The following SLC28A1 variants were observed in gnomAD, a reference collection of about 807,000 sequenced individuals.
SLC28A1 encodes the protein sodium/nucleoside cotransporter 1.
SLC28A1 carries 64 observed loss-of-function variants against 74.8 expected under a neutral mutation model. The ratio of observed to expected loss-of-function variants is 0.86; its 90% CI spans 0.70 to 1.05. The LOEUF is 1.05. Ranked by LOEUF, SLC28A1 falls within the 50% of genes least tolerant of loss-of-function variation. The pLI is 0.00. For missense variants in SLC28A1, 828 were observed against 822.8 expected (o/e 1.01, Z -0.08); for synonymous variants, 359 against 335.0 (o/e 1.07, Z -0.78).
At chr15:84,902,019 C>T (rs542736902) in intron 6 of SLC28A1, among the ~76,000 whole-genome samples, 1 of 152,256 alleles carries the variant, frequency 6.6e-6, no homozygotes, top group South Asian at 2.1e-4. Context: ...TGGAATACTA[C>T]TCAGCAATAA....
chr15:84,928,598 CTTTCTTTTCTT>C (rs1298198901), intron 12 of SLC28A1, among the ~76,000 whole-genome samples: 1 of 13,886 alleles, frequency 7.2e-5, no homozygotes, highest in Admixed American at 6.0e-4. Flanking sequence ...TTCTTTCTTT[CTTTCTTTTCTT>C]TCTTTCTTTT....
chr15:84,899,907 AAG>A (rs750001380), intron 6 of SLC28A1, among the ~76,000 whole-genome samples: 16 of 137,698 alleles, frequency 1.2e-4, no homozygotes, highest in Non-Finnish European at 2.2e-4. Context: ...GAAAGAAAGA[AAG>A]AGAAAGAGGG....
chr15:84,886,168 G>A (rs1964580394), intron 1 of SLC28A1: 1 of 985,128 alleles, frequency 1.0e-6, no homozygotes, highest in Admixed American at 6.1e-5. Flanking sequence ...AAGGGGAAAT[G>A]GTGTGATTTG....
At chr15:84,906,589 C>G (rs866288165) in intron 8 of SLC28A1, among the ~76,000 whole-genome samples, 41 of 109,866 alleles carry the variant, frequency 3.7e-4, no homozygotes, top group Admixed American at 1.4e-3. Context: ...TTCCTTCCTT[C>G]CTTCCTTCCT....
Position 84,945,635 on chromosome 15 carries a change from G to C in SLC28A1, c.*435G>C. 3.9e-6 allele frequency: 1 copy of C among 257,900 alleles called. No homozygotes were observed. The highest frequency in any genetic ancestry group is 7.6e-6 in the Non-Finnish European group (1 of 131,462). 16.0% of individuals were successfully genotyped at this position (257,900 alleles called of 1,614,324 possible). On this transcript the variant is annotated 3_prime_UTR_variant, in exon 19 of 19. Coordinates refer to ENST00000394573, the MANE Select transcript of SLC28A1 (RefSeq NM_004213.5). The stretch of plus-strand genomic sequence containing the variant: ...TCTGTGGCTTCCCCTGCTGGGTGGT[G>C]TCACCTCTTTCTCTGCTTTCAGAGA...
chr15:84,947,307 C>T (rs1446022641), downstream of SLC28A1, among the ~76,000 whole-genome samples: 2 of 152,204 alleles, frequency 1.3e-5, no homozygotes, highest in Non-Finnish European at 2.9e-5. Flanking sequence ...ATATGGACAA[C>T]ACAGTCCTCT....
At chr15:84,901,483 TG>T (rs1231022167) in intron 6 of SLC28A1, among the ~76,000 whole-genome samples, 1 of 151,626 alleles carries the variant, frequency 6.6e-6, no homozygotes, top group Non-Finnish European at 1.5e-5. Context: ...CACTCCAGCC[TG>T]TGTGACAGAG....
intron 6 of SLC28A1, among the ~76,000 whole-genome samples, chr15:84,901,238 G>A (rs1966656741): frequency 6.6e-6 from 1 of 152,208 alleles, no homozygotes; most frequent in Non-Finnish European, 1.5e-5. Context: ...AAGAGCAGTG[G>A]CTCACGCCTA....
intron 10 of SLC28A1, 120 bp downstream of exon 10, chr15:84,918,724 C>A: frequency 1.2e-6 from 1 of 801,552 alleles, no homozygotes. Context: ...GCTCCCCAAG[C>A]CCACACCCTT....
At chr15:84,928,123 C>T (rs1970718386) in intron 12 of SLC28A1, among the ~76,000 whole-genome samples, 1 of 152,206 alleles carries the variant, frequency 6.6e-6, no homozygotes, top group East Asian at 1.9e-4. Flanking sequence ...CCAGGCCCAG[C>T]CCTGGGCAGT....
At chr15:84,908,971 T>C (rs778336403) in intron 9 of SLC28A1, among the ~76,000 whole-genome samples, 176 bp downstream of exon 9, 10 of 152,168 alleles carry the variant, frequency 6.6e-5, no homozygotes, top group Admixed American at 3.9e-4. Flanking sequence ...AGCCCAGCAA[T>C]GTTCACCTCA....
the SLC28A1 span, among the ~76,000 whole-genome samples, chr15:84,967,458 CT>C: frequency 2.6e-5 from 4 of 152,246 alleles, no homozygotes; most frequent in Non-Finnish European, 5.9e-5. Context: ...GCCTGACCCC[CT>C]GTCATGCTCT....
Position 84,908,221 on chromosome 15 carries a change from T to C in SLC28A1, c.718-497T>C, listed in dbSNP as rs111616560. 6.0e-3 allele frequency among the ~76,000 whole-genome samples: 845 copies of C among 141,190 alleles called. 15 individuals carry two copies. Among genetic ancestry groups the C allele is most frequent in the African/African-American group, 0.022 (814 of 37,720 alleles). The allele number at this position is 141,190 out of a possible 152,430, so 92.6% of individuals were successfully genotyped here. On this transcript the variant is annotated intron_variant, in intron 8 of 18. Transcript: ENST00000394573. ...TTTTTTGAGACAGAGTCTCGCTCTG[T>C]TGCCCAGGCTGCAGTGCAGTGGCGC...
chr15:84,946,111 TA>T (rs1262646715), downstream of SLC28A1, among the ~76,000 whole-genome samples: 4 of 50,836 alleles, frequency 7.9e-5, no homozygotes, highest in Non-Finnish European at 1.2e-4. Context: ...TATATATATA[TA>T]TTTTTTTTTT....
rs60407699 is a variant in SLC28A1 at position 84,931,651 on chromosome 15, C to CAA, written c.1084-1469_1084-1468dup. Among the ~76,000 whole-genome samples the CAA allele has an allele frequency of 1.5e-3, 78 of 52,404 alleles. 4 individuals are homozygous for CAA. The highest frequency in any genetic ancestry group is 2.0e-3 in the Non-Finnish European group (66 of 32,744). The allele number at this position is 52,404 out of a possible 152,430, so 34.4% of individuals were successfully genotyped here. ...TGGGCGACAGAGTGAGACTCCATCT[C>CAA]AAAAAAAAAAAAAAAAAAAAAAAAA... On this transcript the variant is annotated intron_variant, in intron 12 of 18. Transcript: ENST00000394573.
chr15:84,958,967 G>A, the SLC28A1 span, among the ~76,000 whole-genome samples: 1 of 151,662 alleles, frequency 6.6e-6, no homozygotes, highest in African/African-American at 2.4e-5. Context: ...GGGTTGAGTG[G>A]TGCACACCTG....
chr15:84,906,977 G>C (rs1221044186), intron 8 of SLC28A1, among the ~76,000 whole-genome samples: 1 of 152,188 alleles, frequency 6.6e-6, no homozygotes. Context: ...GTTCCGATGA[G>C]TTGAGTGGAG....
chr15:84,934,991 A>C (rs376337225), intron 13 of SLC28A1, 35 bp from the exon 14 acceptor site: 2 of 1,593,612 alleles, frequency 1.3e-6, no homozygotes, highest in East Asian at 4.5e-5. Flanking sequence ...TTGTGGAGAC[A>C]GGCCAGTAAT....
At chr15:84,938,773 G>T (rs143989796) in intron 15 of SLC28A1, among the ~76,000 whole-genome samples, 27 of 152,250 alleles carry the variant, frequency 1.8e-4, no homozygotes, top group African/African-American at 6.5e-4. Context: ...AACAGGGCAG[G>T]GTCTTCCTTG....
Sources: allele counts gnomAD v4.1 joint callset (sites outside exome capture counted in the v4.1 genomes callset), GRCh38; gene constraint gnomAD v4.1.1; transcripts MANE v1.5; gene names NCBI Gene and HGNC (gene_info 2026-07-23, HGNC 2026-07-21).